Variants in LRTM3 observed in about 807,000 individuals in gnomAD.
LRTM3 encodes the protein leucine-rich repeat transmembrane protein 3.
the LRTM3 span, chr13:102,746,639 ACTCT>A: frequency 1.3e-6 from 2 of 1,551,180 alleles, no homozygotes; most frequent in Non-Finnish European, 1.7e-6. Context: ...TGCAAATGTT[ACTCT>A]CTTTTTCATC....
At chr13:102,742,915 A>G in the LRTM3 span, 19 of 1,550,060 alleles carry the variant, frequency 1.2e-5, no homozygotes, top group East Asian at 3.4e-4. Flanking sequence ...GTTCTGCACA[A>G]TTATCTGATT....
the LRTM3 span, chr13:102,758,919 T>G: frequency 6.6e-7 from 1 of 1,525,884 alleles, no homozygotes; most frequent in Non-Finnish European, 8.9e-7. Flanking sequence ...AAAGGAATAA[T>G]ATTGCTTTGA....
At chr13:102,750,182 A>G in the LRTM3 span, 2 of 1,551,148 alleles carry the variant, frequency 1.3e-6, no homozygotes, top group Non-Finnish European at 1.7e-6. Context: ...CGTTTCCTCT[A>G]CTTCTGAATA....
At chr13:102,733,873 G>A in the LRTM3 span, 4 of 1,551,270 alleles carry the variant, frequency 2.6e-6, no homozygotes, top group East Asian at 2.4e-5. Flanking sequence ...GCTTAACAAC[G>A]TTTTTATCAA....
At chr13:102,745,710 T>G in the LRTM3 span, 1 of 1,551,072 alleles carries the variant, frequency 6.4e-7, no homozygotes, top group Non-Finnish European at 8.7e-7. Flanking sequence ...GCCTGTTCCT[T>G]TTGATGGCTA....
chr13:102,729,991 C>T, the LRTM3 span: 1 of 1,551,666 alleles, frequency 6.4e-7, no homozygotes, highest in South Asian at 1.2e-5. Flanking sequence ...TCCATGAAAT[C>T]TTCTCTTCAC....
the LRTM3 span, chr13:102,741,716 A>C: frequency 1.9e-6 from 3 of 1,550,334 alleles, no homozygotes; most frequent in Non-Finnish European, 1.7e-6. Flanking sequence ...GTTTAGTGGA[A>C]TATCTAGTCT....
chr13:102,750,050 C>T, the LRTM3 span: 14 of 1,550,088 alleles, frequency 9.0e-6, no homozygotes, highest in South Asian at 1.2e-5. Flanking sequence ...TGCTGAAAAG[C>T]TAAGATCAGA....
chr13:102,757,891 CTAA>C, the LRTM3 span, among the ~76,000 whole-genome samples: 1 of 152,230 alleles, frequency 6.6e-6, no homozygotes, highest in South Asian at 2.1e-4. Flanking sequence ...TTGTAGATAT[CTAA>C]TAATTGTTGA....
At chr13:102,737,907 C>G in the LRTM3 span, 1 of 1,550,942 alleles carries the variant, frequency 6.4e-7, no homozygotes, top group African/African-American at 1.4e-5. Context: ...AGAACTCTTT[C>G]CTGTTCATTC....
the LRTM3 span, chr13:102,736,582 C>T: frequency 1.3e-6 from 2 of 1,551,108 alleles, no homozygotes; most frequent in Non-Finnish European, 1.7e-6. Flanking sequence ...TTGAGTCTAA[C>T]TCAAGGAAAG....
chr13:102,730,792 G>A, the LRTM3 span: 1 of 1,551,408 alleles, frequency 6.4e-7, no homozygotes, highest in East Asian at 2.4e-5. Flanking sequence ...TTGGCTTAGG[G>A]AACGTACTTC....
the LRTM3 span, chr13:102,746,555 C>T: frequency 6.4e-7 from 1 of 1,550,902 alleles, no homozygotes; most frequent in African/African-American, 1.4e-5. Context: ...GCTTGTGACA[C>T]TGACTGTCTC....
At chr13:102,741,372 C>A in the LRTM3 span, 1 of 1,549,248 alleles carries the variant, frequency 6.5e-7, no homozygotes, top group South Asian at 1.2e-5. Flanking sequence ...GGAACATGAT[C>A]TGGATTCACC....
the LRTM3 span, chr13:102,735,270 T>C: frequency 1.3e-6 from 2 of 1,551,320 alleles, no homozygotes; most frequent in Admixed American, 3.9e-5. Context: ...TCTCTATCCT[T>C]CTCTTCTTTC....
At chr13:102,737,094 T>C in the LRTM3 span, 14 of 1,551,080 alleles carry the variant, frequency 9.0e-6, no homozygotes, top group East Asian at 3.4e-4. Context: ...CTGCCAGGGA[T>C]ATTGAGTGTA....
the LRTM3 span, chr13:102,729,512 C>A: frequency 6.8e-7 from 1 of 1,476,152 alleles, no homozygotes; most frequent in Non-Finnish European, 9.0e-7. Flanking sequence ...TTTGGAGGAA[C>A]TCCATATATT....
the LRTM3 span, among the ~76,000 whole-genome samples, chr13:102,757,374 G>A: frequency 6.6e-6 from 1 of 152,198 alleles, no homozygotes; most frequent in Non-Finnish European, 1.5e-5. Context: ...ACAGTGACTA[G>A]TGATCTAGCT....
At chr13:102,751,650 G>A in the LRTM3 span, among the ~76,000 whole-genome samples, 2 of 152,278 alleles carry the variant, frequency 1.3e-5, no homozygotes, top group Admixed American at 1.3e-4. Flanking sequence ...GTAGCTATTT[G>A]TTTGGAGAAC....
Sources: allele counts gnomAD v4.1 joint callset (sites outside exome capture counted in the v4.1 genomes callset), GRCh38; gene constraint gnomAD v4.1.1; transcripts MANE v1.5; gene names NCBI Gene and HGNC (gene_info 2026-07-23, HGNC 2026-07-21).